The following DMD variants were observed in gnomAD, a reference collection of about 807,000 sequenced individuals.
DMD encodes mutant dystrophin.
Under a neutral mutation model 330.1 loss-of-function variants are expected in DMD, and 63 were observed. That is an observed-to-expected ratio of 0.19 (90% CI 0.16 to 0.24). The LOEUF is 0.24. Ranked by LOEUF, DMD falls within the 10% of genes least tolerant of loss-of-function variation. The pLI, the probability that DMD is intolerant of heterozygous loss-of-function variation, is 1.00. For synonymous variants in DMD, 1,223 were observed against 959.8 expected, an observed-to-expected ratio of 1.27 and a Z score of -5.07; for missense variants, 3,344 against 2,684.1, an observed-to-expected ratio of 1.25 and a Z score of -5.43.
At chrX:32,798,962 G>A (rs944281849) in intron 7 of DMD, among the ~76,000 whole-genome samples, 15 of 111,117 alleles carry the variant, frequency 1.3e-4, no homozygotes, top group African/African-American at 4.6e-4. Context: ...CAGCAGAGGC[G>A]GAAAAAAGTT....
At chrX:33,331,935 T>C (rs976822754) in intron 1 of DMD, among the ~76,000 whole-genome samples, 52 of 111,884 alleles carry the variant, frequency 4.6e-4, no homozygotes, top group African/African-American at 1.7e-3. Context: ...ATATTGAATA[T>C]TTAAAGTATT....
At chrX:31,510,712 T>C (rs748371174) in intron 55 of DMD, among the ~76,000 whole-genome samples, 1 of 109,662 alleles carries the variant, frequency 9.1e-6, no homozygotes, top group African/African-American at 3.3e-5. Context: ...GGTTTCACCA[T>C]GTTAGCCAGG....
chrX:31,938,987 C>T (rs1445668278), intron 45 of DMD, among the ~76,000 whole-genome samples: 1 of 111,212 alleles, frequency 9.0e-6, no homozygotes, highest in African/African-American at 3.3e-5. Context: ...TACAAGCCTC[C>T]AAAATAAGCA....
At chrX:31,483,311 G>A (rs1393510037) in intron 57 of DMD, among the ~76,000 whole-genome samples, 1 of 111,458 alleles carries the variant, frequency 9.0e-6, no homozygotes, top group Non-Finnish European at 1.9e-5. Flanking sequence ...CTCCCAAAGT[G>A]CTGGGATTAC....
intron 1 of DMD, among the ~76,000 whole-genome samples, chrX:33,298,019 G>A (rs758926968): frequency 1.8e-5 from 2 of 111,106 alleles, no homozygotes; most frequent in Non-Finnish European, 3.8e-5. Context: ...AAAATACCGT[G>A]TTGTATATCT....
chrX:32,186,273 C>A (rs1317493437), intron 44 of DMD, among the ~76,000 whole-genome samples: 1 of 111,082 alleles, frequency 9.0e-6, no homozygotes, highest in African/African-American at 3.3e-5. Context: ...TCTACTCTAT[C>A]CATTTCAGTC....
At chrX:32,362,731 C>T in intron 37 of DMD, 57 bp downstream of exon 37, 2 of 1,183,537 alleles carry the variant, frequency 1.7e-6, no homozygotes, top group Non-Finnish European at 1.1e-6. Context: ...GAGTACTGCG[C>T]AACCTTCGCA....
chrX:31,894,424 G>A (rs184810897), intron 47 of DMD, among the ~76,000 whole-genome samples: 3 of 111,667 alleles, frequency 2.7e-5, no homozygotes, highest in African/African-American at 9.8e-5. Context: ...CGATGATGTG[G>A]CAACATTTTA....
intron 52 of DMD, among the ~76,000 whole-genome samples, chrX:31,714,800 A>G (rs1233778053): frequency 8.9e-6 from 1 of 112,098 alleles, no homozygotes; most frequent in East Asian, 2.8e-4. Flanking sequence ...ATATTATTAA[A>G]TTAAGGAACT....
intron 47 of DMD, among the ~76,000 whole-genome samples, chrX:31,922,206 G>A (rs1420291976): frequency 9.0e-6 from 1 of 111,450 alleles, no homozygotes; most frequent in Non-Finnish European, 1.9e-5. Flanking sequence ...ACAGAGTCCA[G>A]TGAGCTTCCG....
At chrX:31,392,096 C>T (rs1342056119) in intron 60 of DMD, among the ~76,000 whole-genome samples, 1 of 112,069 alleles carries the variant, frequency 8.9e-6, no homozygotes, top group Admixed American at 9.4e-5. Flanking sequence ...GATGCAGCTA[C>T]TTGACCTAGT....
At chrX:32,618,188 T>A (rs781653143) in intron 11 of DMD, among the ~76,000 whole-genome samples, 3 of 112,086 alleles carry the variant, frequency 2.7e-5, no homozygotes, top group Non-Finnish European at 5.6e-5. Flanking sequence ...GGAATATAAA[T>A]CATTCTACCA....
At chrX:32,437,421 A>G (rs2098265752) in intron 29 of DMD, among the ~76,000 whole-genome samples, 1 of 111,744 alleles carries the variant, frequency 8.9e-6, no homozygotes, top group African/African-American at 3.3e-5. Flanking sequence ...ACTATTCAAT[A>G]AGTCATTAGT....
intron 45 of DMD, among the ~76,000 whole-genome samples, chrX:31,952,991 A>C (rs2095203631): frequency 8.9e-6 from 1 of 112,309 alleles, no homozygotes; most frequent in Admixed American, 9.5e-5. Context: ...AGCATAGCTT[A>C]ATTTGCATTA....
chrX:32,350,974 C>T (rs909556842), intron 37 of DMD, among the ~76,000 whole-genome samples: 1 of 110,779 alleles, frequency 9.0e-6, no homozygotes, highest in African/African-American at 3.3e-5. Flanking sequence ...CTGGGCTCTA[C>T]CATTTACTAG....
At chrX:31,209,726 T>A in intron 64 of DMD, 27 bp from the exon 65 acceptor site, 1 of 1,185,045 alleles carries the variant, frequency 8.4e-7, no homozygotes, top group Non-Finnish European at 1.1e-6. Flanking sequence ...AAATCACAAA[T>A]GACTCAAAGA....
chrX:31,145,662 ATTTTTTT>A (rs749721258), intron 76 of DMD, among the ~76,000 whole-genome samples: 1 of 86,320 alleles, frequency 1.2e-5, no homozygotes, highest in South Asian at 5.1e-4. Context: ...TGGGAACTCT[ATTTTTTT>A]TTTTTTTTTT....
At chrX:31,428,704 G>A (rs1482085360) in intron 60 of DMD, among the ~76,000 whole-genome samples, 6 of 112,085 alleles carry the variant, frequency 5.4e-5, no homozygotes, top group Admixed American at 9.5e-5. Flanking sequence ...CTATTCACTC[G>A]TTCATTCAAC....
intron 44 of DMD, among the ~76,000 whole-genome samples, chrX:32,026,702 G>A (rs1003614284): frequency 8.9e-6 from 1 of 112,074 alleles, no homozygotes; most frequent in Admixed American, 9.5e-5. Flanking sequence ...ATAGCTGTAT[G>A]TATACGTAAG....
Sources: gnomAD v4.1 joint callset for allele counts (sites outside exome capture counted in the v4.1 genomes callset) on GRCh38, gnomAD v4.1.1 for gene constraint, MANE v1.5 for transcripts, NCBI Gene and HGNC (gene_info 2026-07-23, HGNC 2026-07-21) for gene names.